The following HSPD1 variants were observed in gnomAD, a reference collection of about 807,000 sequenced individuals.
The protein encoded by HSPD1 is heat shock protein family D (Hsp60) member 1, also known as 60 kDa heat shock protein, mitochondrial.
A neutral mutation model predicts 53.0 loss-of-function variants in HSPD1; 3 were observed. The observed-to-expected ratio is 0.06, with a 90% CI of 0.03 to 0.15. The LOEUF (loss-of-function observed/expected upper bound fraction) is 0.15, where lower values mean the gene tolerates loss of function less well. Among genes scored for constraint, HSPD1 ranks in the 10% least tolerant of loss-of-function variants. HSPD1 has a pLI of 1.00. For missense variants in HSPD1, 431 were observed against 694.1 expected (o/e 0.62, Z 4.26); for synonymous variants, 200 against 228.0 (o/e 0.88, Z 1.10).
chr2:197,498,776 C>G lies in HSPD1; in HGVS notation c.73G>C (p.Ala25Pro). Residue 25 changes from alanine (A) to proline (P), a missense_variant, in exon 2 of 12, where the codon GCT (alanine) becomes CCT (proline). Transcript: ENST00000388968. The stretch of plus-strand genomic sequence containing the variant: ...CCAAATTTTACATCTTTGGCATAAG[C>G]CCGAGTGAGATGAGGAGCCAGTACC... The part of the protein sequence containing the change: ...SRVLAPHLTR[A>P]YAKDVKFGAD... The G allele has an allele frequency of 6.2e-7, 1 of 1,614,164 alleles. No homozygotes were observed. The highest frequency in any genetic ancestry group is 1.1e-5 in the South Asian group (1 of 91,090).
intron 7 of HSPD1, among the ~76,000 whole-genome samples, chr2:197,493,006 C>CAA (rs11400864): frequency 3.3e-4 from 46 of 141,410 alleles, no homozygotes; most frequent in East Asian, 1.4e-3. Flanking sequence ...GACTCTGTCT[C>CAA]AAAAAAAAAA....
intron 9 of HSPD1, 150 bp downstream of exon 9, chr2:197,488,852 A>G (rs1344735304): frequency 1.1e-6 from 1 of 925,030 alleles, no homozygotes; most frequent in East Asian, 2.5e-5. Context: ...TGGGTGACGA[A>G]GAGCTCAAAA....
chr2:197,499,027 C>G, intron 1 of HSPD1, 177 bp from the exon 2 acceptor site: 2 of 684,752 alleles, frequency 2.9e-6, no homozygotes, highest in East Asian at 2.7e-5. Flanking sequence ...GCCACTAGCG[C>G]AAGCTAAAGA....
chr2:197,489,372 G>C, intron 8 of HSPD1, 125 bp from the exon 9 acceptor site: 2 of 1,014,872 alleles, frequency 2.0e-6, no homozygotes, highest in Admixed American at 4.1e-5. Context: ...GAGATTTTAA[G>C]ATCACTGTTA....
intron 4 of HSPD1, 23 bp from the exon 5 acceptor site, chr2:197,494,775 C>T (rs1049517273): frequency 8.5e-6 from 13 of 1,526,334 alleles, no homozygotes; most frequent in African/African-American, 5.5e-5. Context: ...AGTTACTCTT[C>T]GAAATTAAAA....
At chr2:197,493,261 G>A in intron 7 of HSPD1, 63 bp downstream of exon 7, 1 of 1,383,520 alleles carries the variant, frequency 7.2e-7, no homozygotes, top group Non-Finnish European at 1.0e-6. Flanking sequence ...ACTGCAAACA[G>A]CAATACAAAT....
intron 7 of HSPD1, 110 bp downstream of exon 7, chr2:197,493,214 C>T (rs74941800): frequency 1.5e-4 from 137 of 936,852 alleles, no homozygotes; most frequent in Non-Finnish European, 2.1e-4. Flanking sequence ...TAGATACAAA[C>T]CCAACTGGAT....
In HSPD1 at chr2:197,493,312, A is replaced by G. The variant is rs781462822; in HGVS notation, c.869+12T>C. 30 of 1,605,922 alleles carry G rather than the reference A, an allele frequency of 1.9e-5. No individual in the cohort carries two copies. The highest frequency in any genetic ancestry group is 2.5e-5 in the Non-Finnish European group (29 of 1,172,828). The stretch of plus-strand genomic sequence containing the variant: ...CGAGAAATATAAATCAACAAATACC[A>G]CTGCTTATTACCTATTCAAGACGAG... On this transcript the variant is annotated intron_variant, in intron 7 of 11. Transcript: ENST00000388968.
At chr2:197,495,115 TA>T in intron 4 of HSPD1, 178 bp downstream of exon 4, 1 of 628,962 alleles carries the variant, frequency 1.6e-6, no homozygotes, top group Non-Finnish European at 2.9e-6. Context: ...CATGTAGAAC[TA>T]AATGACAACC....
intron 3 of HSPD1, among the ~76,000 whole-genome samples, chr2:197,496,215 T>C (rs75578463): frequency 0.011 from 1,627 of 152,288 alleles, 33 homozygotes; most frequent in African/African-American, 0.032. Context: ...TTTTGCTCAA[T>C]TGGGAATAGT....
At chr2:197,494,473 T>TTATAAAACATAAAA (rs2086132546) in intron 5 of HSPD1, 184 bp downstream of exon 5, 1 of 631,430 alleles carries the variant, frequency 1.6e-6, no homozygotes, top group Non-Finnish European at 2.8e-6. Context: ...AAAGGCTAAT[T>TTATAAAACATAAAA]CACATAAAAC....
At chr2:197,490,678 A>C in intron 7 of HSPD1, 1 of 253,196 alleles carries the variant, frequency 3.9e-6, no homozygotes, top group Non-Finnish European at 7.7e-6. Flanking sequence ...AAAATAACAA[A>C]AATCAGCCAA....
At chr2:197,488,595 G>T in intron 9 of HSPD1, 104 bp from the exon 10 acceptor site, 1 of 1,057,880 alleles carries the variant, frequency 9.5e-7, no homozygotes, top group Non-Finnish European at 1.5e-6. Context: ...TGAGGTGGGC[G>T]TGGTGGCTCA....
In HSPD1 at chr2:197,492,138, CAG is replaced by C. The variant is rs1269345353; in HGVS notation, c.869+1184_869+1185del. ...TGCCGCCGCAGGCCAGCCTGGGTGA[CAG>C]AGTCTGTCTCTCAAAATAAATAAAA... On this transcript the variant is annotated intron_variant, in intron 7 of 11. Coordinates refer to ENST00000388968, the MANE Select transcript of HSPD1 (RefSeq NM_002156.5). 2.0e-5 allele frequency among the ~76,000 whole-genome samples: 3 copies of C among 152,210 alleles called. 1 individual carries two copies. The highest frequency in any genetic ancestry group is 7.2e-5 in the African/African-American group (3 of 41,436).
intron 10 of HSPD1, 139 bp downstream of exon 10, chr2:197,488,178 G>A (rs1444191849): frequency 8.0e-6 from 8 of 998,966 alleles, no homozygotes; most frequent in African/African-American, 1.6e-5. Flanking sequence ...TGTGATGCAT[G>A]TTTAGCTCTG....
upstream of HSPD1, chr2:197,500,226 C>A (rs1406664539): frequency 3.2e-6 from 2 of 628,292 alleles, no homozygotes; most frequent in Non-Finnish European, 5.6e-6. Context: ...GTCTTCGCGT[C>A]AGCGTCCTGC....
chr2:197,490,275 A>C lies in HSPD1; in HGVS notation c.891T>G (p.Val297=), dbSNP rs757698087. 1 of 1,613,876 alleles carries C rather than the reference A, an allele frequency of 6.2e-7. No individual in the cohort carries two copies. The highest frequency in any genetic ancestry group is 1.3e-5 in the African/African-American group (1 of 75,026). ...VLNRLKVGLQ[V]VAVKAPGFGD... is the part of the protein sequence containing the mutation. ...CAAACCCTGGAGCCTTGACTGCCAC[A>C]ACCTGAAGACCAACCTTTAGCCTGT... Residue 297 remains valine (V), a synonymous_variant, in exon 8 of 12, where the codon GTT becomes GTG. Transcript: ENST00000388968.
chr2:197,487,942 C>T lies in HSPD1; in HGVS notation c.1485G>A (p.Met495Ile). ...VEGSLIVEKIMQSSSEVGYDA... is the reference protein window; with the variant it reads ...VEGSLIVEKIIQSSSEVGYDA... The stretch of plus-strand genomic sequence containing the variant: ...CATAACCAACTTCTGAGGAACTTTG[C>T]ATAATTTTCTCAACTATCAAAGATC... Residue 495 changes from methionine to isoleucine, a missense_variant, in exon 11 of 12, where the codon ATG becomes ATA. This residue lies in a region of HSPD1 where 386 missense variants were observed against 657.6 expected (regional missense o/e 0.59). Coordinates refer to ENST00000388968, the MANE Select transcript of HSPD1 (RefSeq NM_002156.5). The T allele has an allele frequency of 1.2e-6, 2 of 1,613,036 alleles. No homozygotes were observed.
chr2:197,488,353 C>T lies in HSPD1; in HGVS notation c.1354G>A (p.Asp452Asn), dbSNP rs768030515. Residue 452 changes from aspartate to asparagine, a missense_variant, in exon 10 of 12, where the codon GAC (aspartate) becomes AAC (asparagine). Physicochemically the swap from Asp to Asn is conservative, Grantham distance 23. Around this residue, in one of 2 missense-constraint regions of HSPD1, gnomAD observed 386 missense variants for 657.6 expected, o/e 0.59. Coordinates refer to ENST00000388968, the MANE Select transcript of HSPD1 (RefSeq NM_002156.5). ...CALLRCIPAL[D>N]SLTPANEDQK... is the part of the protein sequence containing the mutation. Reference sequence around the variant, plus strand: ...TCTTCATTAGCTGGAGTCAATGAGTCCAAGGCTGGAATGCATCGAAGGAGG... The same window carrying T: ...TCTTCATTAGCTGGAGTCAATGAGTTCAAGGCTGGAATGCATCGAAGGAGG... 1 of 1,613,932 alleles carries T rather than the reference C, an allele frequency of 6.2e-7. No individual in the cohort carries two copies. Among genetic ancestry groups the T allele is most frequent in the Non-Finnish European group, 8.5e-7 (1 of 1,179,844 alleles).
Sources: gnomAD v4.1 joint callset for allele counts (sites outside exome capture counted in the v4.1 genomes callset) on GRCh38, gnomAD v4.1.1 for gene constraint, gnomAD v4.1.1 regional missense constraint, MANE v1.5 for transcripts, NCBI Gene and HGNC (gene_info 2026-07-23, HGNC 2026-07-21) for gene names.